PXDN: variants seen among roughly 807,000 people sequenced by gnomAD.
The protein encoded by PXDN is peroxidasin homolog.
PXDN carries 77 observed loss-of-function variants against 140.3 expected under a neutral mutation model. The ratio of observed to expected loss-of-function variants is 0.55; its 90% CI spans 0.46 to 0.66. The LOEUF is 0.66. Among genes scored for constraint, PXDN ranks in the 30% least tolerant of loss-of-function variants. PXDN has a pLI of 0.00. For missense variants in PXDN, 1,838 were observed against 2,039.5 expected, an observed-to-expected ratio of 0.90 and a Z score of 1.90; for synonymous variants, 911 against 857.4, an observed-to-expected ratio of 1.06 and a Z score of -1.09.
intron 18 of PXDN, among the ~76,000 whole-genome samples, chr2:1,644,027 G>C (rs1050342712): frequency 8.1e-6 from 1 of 123,892 alleles, no homozygotes; most frequent in East Asian, 2.8e-4. Context: ...AGTCGAGATC[G>C]CGCCACTGCA....
rs1682644662 is a variant in PXDN at position 1,638,975 on chromosome 2, A to G, written c.4077T>C (p.Val1359=). The part of the protein sequence containing the change: ...KKTRPRKIPS[V]GRQGEHLSNS... Reference sequence around the variant, plus strand: ...TGCTGAGATGTTCCCCCTGTCTCCCAACACTGTGGTGAGGGGAAAGGAGGA... The same window carrying G: ...TGCTGAGATGTTCCCCCTGTCTCCCGACACTGTGGTGAGGGGAAAGGAGGA... The change falls in exon 21 of 23, where the codon GTT becomes GTC. Residue 1359 remains valine (V), a synonymous_variant. Transcript: ENST00000252804. The G allele has an allele frequency of 6.2e-7, 1 of 1,613,818 alleles. No individual in the cohort carries two copies. Among genetic ancestry groups the G allele is most frequent in the African/African-American group, 1.3e-5 (1 of 74,932 alleles).
chr2:1,714,974 G>A lies in PXDN; in HGVS notation c.201-21840C>T, dbSNP rs765626714. Among the ~76,000 whole-genome samples the A allele has an allele frequency of 3.0e-4, 46 of 152,100 alleles. No homozygotes were observed. The highest frequency in any genetic ancestry group is 6.8e-3 in the Middle Eastern group (2 of 294). Reference sequence around the variant, plus strand: ...CAGGTTTTAGGCGACATATGAACACGCCACCCATTAATACAAAGCCCCCTC... The same window carrying A: ...CAGGTTTTAGGCGACATATGAACACACCACCCATTAATACAAAGCCCCCTC... On this transcript the variant is annotated intron_variant, in intron 1 of 22. Coordinates refer to ENST00000252804, the MANE Select transcript of PXDN (RefSeq NM_012293.3). The surrounding 1 kb of genome is among the most constrained non-coding windows in gnomAD (Gnocchi z 4.3).
Position 1,639,230 on chromosome 2 carries a change from C to T in PXDN, c.4073+72G>A. On this transcript the variant is annotated intron_variant, in intron 20 of 22. Transcript: ENST00000252804. The surrounding 1 kb of genome is among the most constrained non-coding windows in gnomAD (Gnocchi z 5.0). ...CTCGCCACAGGCCCACAGCAGGATG[C>T]CGGTCCTACTGCCCGACGCCCGCGG... 2.6e-6 allele frequency: 4 copies of T among 1,552,310 alleles called. No homozygotes were observed. The highest frequency in any genetic ancestry group is 1.7e-6 in the Non-Finnish European group (2 of 1,147,452).
intron 14 of PXDN, among the ~76,000 whole-genome samples, chr2:1,658,043 T>C (rs1460769762): frequency 9.4e-6 from 1 of 106,870 alleles, no homozygotes; most frequent in African/African-American, 4.8e-5. Context: ...TCTCTCTCTC[T>C]CTCTCTCTCT....
chr2:1,681,326 T>G (rs1281856951), intron 6 of PXDN, among the ~76,000 whole-genome samples: 1 of 152,082 alleles, frequency 6.6e-6, no homozygotes, highest in Non-Finnish European at 1.5e-5. Flanking sequence ...TTTTCCTTTT[T>G]GCCCAATAAA....
At chr2:1,677,724 G>T (rs1395217138) in intron 7 of PXDN, among the ~76,000 whole-genome samples, 1 of 152,172 alleles carries the variant, frequency 6.6e-6, no homozygotes, top group Non-Finnish European at 1.5e-5. Flanking sequence ...ACAGGGAGCG[G>T]CCTTCTCTAA....
At chr2:1,643,997 G>A (rs112705086) in intron 18 of PXDN, among the ~76,000 whole-genome samples, 14,178 of 149,900 alleles carry the variant, frequency 0.095, 778 homozygotes, top group African/African-American at 0.15. Context: ...GGGTGAACCC[G>A]GGAGGCAGAG....
At position 1,660,898 on chromosome 2, in the gene PXDN, A is replaced by G; in HGVS notation, c.1820T>C (p.Met607Thr). ...RNTIGSASVS[M>T]VLSVNVPDVS... is the part of the protein sequence containing the mutation. Reference sequence around the variant, plus strand: ...CATCTTACCATTCACACTGAGCACCATGCTCACCGAGGCCGACCCAATGGT... The same window carrying G: ...CATCTTACCATTCACACTGAGCACCGTGCTCACCGAGGCCGACCCAATGGT... Residue 607 changes from methionine to threonine, a missense_variant, in exon 14 of 23, where the codon ATG (methionine) becomes ACG (threonine). Met to Thr is a moderately conservative substitution (Grantham distance 81). Transcript: ENST00000252804. The surrounding 1 kb of genome is among the most constrained non-coding windows in gnomAD (Gnocchi z 4.6). 1 of 1,613,180 alleles carries G rather than the reference A, an allele frequency of 6.2e-7. No individual in the cohort carries two copies. Among genetic ancestry groups the G allele is most frequent in the Non-Finnish European group, 8.5e-7 (1 of 1,179,538 alleles).
intron 21 of PXDN, among the ~76,000 whole-genome samples, chr2:1,638,453 G>A (rs1396962740): frequency 1.3e-5 from 2 of 152,172 alleles, no homozygotes; most frequent in African/African-American, 4.8e-5. Flanking sequence ...GGGCTGACCT[G>A]GAAGTGCCTC....
intron 7 of PXDN, among the ~76,000 whole-genome samples, chr2:1,679,945 G>C (rs1240421245): frequency 6.8e-6 from 1 of 146,824 alleles, no homozygotes; most frequent in East Asian, 2.0e-4. Flanking sequence ...GTATGTGCGT[G>C]TGTGTGGTTT....
At chr2:1,735,048 T>G (rs1422397903) in intron 1 of PXDN, among the ~76,000 whole-genome samples, 1 of 152,234 alleles carries the variant, frequency 6.6e-6, no homozygotes, top group East Asian at 1.9e-4. Context: ...CCACTTTTTA[T>G]GCTCATCCAT....
intron 1 of PXDN, among the ~76,000 whole-genome samples, chr2:1,701,611 A>C: frequency 1.4e-5 from 2 of 146,300 alleles, no homozygotes; most frequent in Non-Finnish European, 1.5e-5. Context: ...GAGGTGCGGA[A>C]TGGGGTGGGG....
chr2:1,683,494 T>A lies in PXDN; in HGVS notation c.560+162A>T, dbSNP rs115883224. On this transcript the variant is annotated intron_variant, in intron 6 of 22. Transcript: ENST00000252804. ...CATTGTCTGAGCCACATGTTTTTCATTTTGCTCTCTAATGGATTCAATCCA... is the reference window on the plus strand; with the variant it reads ...CATTGTCTGAGCCACATGTTTTTCAATTTGCTCTCTAATGGATTCAATCCA... Among the ~76,000 whole-genome samples the A allele has an allele frequency of 0.16, 24,315 of 151,906 alleles. 3,795 individuals carry two copies. Among genetic ancestry groups the A allele is most frequent in the African/African-American group, 0.41 (16,861 of 41,270 alleles).
intron 14 of PXDN, among the ~76,000 whole-genome samples, chr2:1,659,054 C>T (rs886905042): frequency 6.6e-6 from 1 of 152,204 alleles, no homozygotes; most frequent in Non-Finnish European, 1.5e-5. Flanking sequence ...AGGACAGAGT[C>T]CAGCCCACGA....
intron 8 of PXDN, among the ~76,000 whole-genome samples, chr2:1,674,831 A>G (rs190068417): frequency 1.1e-3 from 172 of 151,876 alleles, no homozygotes; most frequent in African/African-American, 3.8e-3. Context: ...ACAGAAACCC[A>G]CTTCCTCAGT....
chr2:1,708,204 G>C (rs1380194444), intron 1 of PXDN, among the ~76,000 whole-genome samples: 1 of 152,232 alleles, frequency 6.6e-6, no homozygotes, highest in Non-Finnish European at 1.5e-5. Context: ...CGCAGGCCCA[G>C]GTCTCATCAC....
At chr2:1,640,030 C>CTT (rs74164528) in intron 19 of PXDN, among the ~76,000 whole-genome samples, 8 of 150,968 alleles carry the variant, frequency 5.3e-5, no homozygotes, top group African/African-American at 1.5e-4. Flanking sequence ...GTGCCGTGTC[C>CTT]CTCCTGGTCC....
Position 1,719,314 on chromosome 2 carries a change from G to A in PXDN, c.200+24942C>T, listed in dbSNP as rs116964127. Among the ~76,000 whole-genome samples, 2,844 of 152,266 alleles carry A rather than the reference G, an allele frequency of 0.019. 270 individuals are homozygous for A. The East Asian group carries it at 0.31, about 16-fold the overall frequency. On this transcript the variant is annotated intron_variant, in intron 1 of 22. Transcript: ENST00000252804. ...GAAAGGCCCTCCCCAGGCAGCAGCC[G>A]GCAGCACCCAACCCAGCCAGGCTCT...
intron 7 of PXDN, among the ~76,000 whole-genome samples, chr2:1,679,844 T>A (rs111162152): frequency 6.9e-6 from 1 of 144,468 alleles, no homozygotes; most frequent in Non-Finnish European, 1.5e-5. Flanking sequence ...ATGGTGTGTG[T>A]GTGTATGTGC....
Sources: gnomAD v4.1 joint callset for allele counts (sites outside exome capture counted in the v4.1 genomes callset) on GRCh38, gnomAD v4.1.1 for gene constraint, Gnocchi (gnomAD v3.1) non-coding constraint, MANE v1.5 for transcripts, NCBI Gene and HGNC (gene_info 2026-07-23, HGNC 2026-07-21) for gene names.